Variants in UTP6 observed in about 807,000 individuals in gnomAD.
UTP6 encodes U3 small nucleolar RNA-associated protein 6 homolog.
A neutral mutation model predicts 96.5 loss-of-function variants in UTP6; 60 were observed. That is an observed-to-expected ratio of 0.62 (90% CI 0.51 to 0.77). UTP6 has a LOEUF of 0.77. Among genes scored for constraint, UTP6 ranks in the 30% least tolerant of loss-of-function variants. The pLI is 0.00. For synonymous variants in UTP6, 215 were observed against 240.1 expected (o/e 0.90, Z 0.96); for missense variants, 637 against 706.5 (o/e 0.90, Z 1.12).
At chr17:31,875,103 A>C (rs114334718) in intron 14 of UTP6, 131 bp downstream of exon 14, 1 of 1,015,702 alleles carries the variant, frequency 9.8e-7, no homozygotes, top group African/African-American at 1.6e-5. Flanking sequence ...TTAACCTATG[A>C]ACCATCACCA....
chr17:31,880,275 G>C, intron 11 of UTP6: 1 of 346,380 alleles, frequency 2.9e-6, no homozygotes, highest in Non-Finnish European at 5.6e-6. Flanking sequence ...AAAAAAATTA[G>C]CTGGGCATGG....
intron 2 of UTP6, among the ~76,000 whole-genome samples, chr17:31,898,769 C>T (rs771996480): frequency 6.6e-6 from 1 of 151,686 alleles, no homozygotes; most frequent in South Asian, 2.1e-4. Context: ...GAGCATGATG[C>T]CTCATGCCTG....
At chr17:31,901,384 A>T in intron 1 of UTP6, 152 bp downstream of exon 1, 1 of 681,194 alleles carries the variant, frequency 1.5e-6, no homozygotes, top group Non-Finnish European at 2.5e-6. Flanking sequence ...ATGAAAAATT[A>T]ATTCTGGACA....
intron 17 of UTP6, among the ~76,000 whole-genome samples, chr17:31,865,713 T>G (rs1302389475): frequency 2.0e-5 from 3 of 152,208 alleles, no homozygotes; most frequent in African/African-American, 7.2e-5. Context: ...CAGAAAACAG[T>G]ATTTGAAAGT....
At chr17:31,894,066 C>T (rs1168873332) in intron 4 of UTP6, among the ~76,000 whole-genome samples, 4 of 151,352 alleles carry the variant, frequency 2.6e-5, no homozygotes, top group Non-Finnish European at 4.4e-5. Context: ...CCCAGGAGTT[C>T]GAGACCAGCC....
In UTP6 at chr17:31,861,062, A is replaced by G. The variant is rs1310575331; in HGVS notation, c.*2297T>C. The G allele has an allele frequency of 6.6e-6, 1 of 152,110 alleles. No individual in the cohort carries two copies. The highest frequency in any genetic ancestry group is 1.9e-4 in the East Asian group (1 of 5,186). 9.4% of individuals were successfully genotyped at this position (152,110 alleles called of 1,614,324 possible). On this transcript the variant is annotated 3_prime_UTR_variant, in exon 19 of 19. Coordinates refer to ENST00000261708, the MANE Select transcript of UTP6 (RefSeq NM_018428.3). ...AAAGCATTTTAAAAACAGACATCAC[A>G]CATACACACACAAAATACCTCTGGG... is the stretch of plus-strand genomic sequence containing the variant.
chr17:31,889,214 G>GAA, intron 7 of UTP6, 71 bp downstream of exon 7: 4 of 1,194,804 alleles, frequency 3.3e-6, no homozygotes, highest in Admixed American at 2.3e-5. Context: ...TTGAATCCAG[G>GAA]AAAAAAAAAT....
Position 31,864,449 on chromosome 17 carries a change from G to A in UTP6, c.1636+917C>T, listed in dbSNP as rs79011817. Among the ~76,000 whole-genome samples the A allele has an allele frequency of 3.4e-3, 512 of 152,266 alleles. 3 individuals carry two copies. The highest frequency in any genetic ancestry group is 0.011 in the African/African-American group (467 of 41,556). On this transcript the variant is annotated intron_variant, in intron 18 of 18. Coordinates refer to ENST00000261708, the MANE Select transcript of UTP6 (RefSeq NM_018428.3). ...TTCACAAAGTCCACAGATTTTACAT[G>A]ACATACCTATACCCAGAAGTATGTT...
At position 31,877,765 on chromosome 17, in the gene UTP6, G is replaced by C. The variant is rs369710439; in HGVS notation, c.1125+485C>G. ...GGGGATCACTTGAGGTCAGAAGTTA[G>C]AGACCAGCCCAGCCAAGATGGTGAA... On this transcript the variant is annotated intron_variant, in intron 13 of 18. Transcript: ENST00000261708. 3.6e-4 allele frequency among the ~76,000 whole-genome samples: 55 copies of C among 152,176 alleles called. 2 individuals carry two copies. In the East Asian group the frequency reaches 5.0e-3, roughly 14 times the overall value.
chr17:31,899,996 T>C (rs1904876184), intron 1 of UTP6, among the ~76,000 whole-genome samples: 1 of 151,704 alleles, frequency 6.6e-6, no homozygotes, highest in Non-Finnish European at 1.5e-5. Context: ...ATACAAAAAT[T>C]AGCTGGGCGT....
intron 4 of UTP6, among the ~76,000 whole-genome samples, 200 bp from the exon 5 acceptor site, chr17:31,892,994 G>A (rs575078950): frequency 6.6e-6 from 1 of 152,264 alleles, no homozygotes; most frequent in Non-Finnish European, 1.5e-5. Flanking sequence ...CCAACATGGT[G>A]AAACCCCACC....
chr17:31,899,872 A>G, intron 1 of UTP6, 142 bp from the exon 2 acceptor site: 1 of 641,476 alleles, frequency 1.6e-6, no homozygotes, highest in Non-Finnish European at 2.4e-6. Flanking sequence ...TCGGCCGGAC[A>G]CAGTGGCTCA....
Position 31,868,059 on chromosome 17 carries a change from A to G in UTP6, c.1550T>C (p.Phe517Ser), listed in dbSNP as rs984989394. 2 of 1,613,394 alleles carry G rather than the reference A, an allele frequency of 1.2e-6. No homozygotes were observed. The highest frequency in any genetic ancestry group is 2.7e-5 in the African/African-American group (2 of 74,926). ...CAGAACACTTACTTGCTCCTTTTCA[A>G]ACTGAATCATTTTCCTGAAAAAGTC... Reference protein sequence around the residue: ...SVDFFRKMIQFEKEQESCNMA... With the variant: ...SVDFFRKMIQSEKEQESCNMA... The change falls in exon 17 of 19, where the codon TTT becomes TCT. Residue 517 changes from phenylalanine (F) to serine (S), a missense_variant. Phe to Ser is a radical substitution (Grantham distance 155). Transcript: ENST00000261708.
At chr17:31,871,637 TA>T (rs967929972) in intron 16 of UTP6, among the ~76,000 whole-genome samples, 1 of 152,090 alleles carries the variant, frequency 6.6e-6, no homozygotes, top group African/African-American at 2.4e-5. Flanking sequence ...CTCATGCCTG[TA>T]ATCCCAGCAT....
chr17:31,882,902 C>T (rs1368867667), intron 10 of UTP6, among the ~76,000 whole-genome samples: 2 of 152,170 alleles, frequency 1.3e-5, no homozygotes, highest in Admixed American at 6.6e-5. Context: ...CCTCCCACCT[C>T]AGCCCCGCAA....
intron 11 of UTP6, among the ~76,000 whole-genome samples, chr17:31,879,825 G>A (rs1185477421): frequency 6.6e-6 from 1 of 151,930 alleles, no homozygotes; most frequent in Non-Finnish European, 1.5e-5. Context: ...GCCAGGCACG[G>A]CCAAATGCGG....
chr17:31,882,330 T>C (rs539517438), intron 10 of UTP6, among the ~76,000 whole-genome samples: 157 of 144,564 alleles, frequency 1.1e-3, no homozygotes, highest in Non-Finnish European at 1.8e-3. Context: ...TGCATCTGTT[T>C]TTTTTTTTTG....
At chr17:31,889,192 C>A (rs1911320791) in intron 7 of UTP6, 93 bp downstream of exon 7, 2 of 878,890 alleles carry the variant, frequency 2.3e-6, no homozygotes, top group East Asian at 2.6e-5. Context: ...GAGGCTGAGG[C>A]GTAAGAATTG....
chr17:31,887,128 A>C, intron 8 of UTP6, 108 bp downstream of exon 8: 2 of 1,051,380 alleles, frequency 1.9e-6, no homozygotes, highest in South Asian at 3.1e-5. Context: ...GTCTCAAAAA[A>C]AAAGAAAAAA....
Sources: gnomAD v4.1 joint callset for allele counts (sites outside exome capture counted in the v4.1 genomes callset) on GRCh38, gnomAD v4.1.1 for gene constraint, MANE v1.5 for transcripts, NCBI Gene and HGNC (gene_info 2026-07-23, HGNC 2026-07-21) for gene names.